TIA1: variants seen among roughly 807,000 people sequenced by gnomAD.
The protein encoded by TIA1 is TIA1 cytotoxic granule associated RNA binding protein.
Under a neutral mutation model 65.9 loss-of-function variants are expected in TIA1, and 23 were observed. That is an observed-to-expected ratio of 0.35 (90% CI 0.25 to 0.49). The LOEUF (loss-of-function observed/expected upper bound fraction) is 0.49. Ranked by LOEUF, TIA1 falls within the 20% of genes least tolerant of loss-of-function variation. The probability of loss-of-function intolerance (pLI) is 0.98; values close to 1 mark genes in which losing one functional copy is unlikely to be tolerated. For missense variants in TIA1, 371 were observed against 477.9 expected (o/e 0.78, Z 2.09); for synonymous variants, 147 against 149.4 (o/e 0.98, Z 0.12).
chr2:70,228,670 A>T (rs978361333), intron 5 of TIA1: 1 of 985,460 alleles, frequency 1.0e-6, no homozygotes, highest in Non-Finnish European at 1.2e-6. Flanking sequence ...TGGAAAGAAA[A>T]GTTACCCATA....
At chr2:70,242,162 C>T (rs1692099566) in intron 1 of TIA1, among the ~76,000 whole-genome samples, 1 of 151,994 alleles carries the variant, frequency 6.6e-6, no homozygotes, top group African/African-American at 2.4e-5. Flanking sequence ...AAACCCTCCC[C>T]CGCAAAAAAC....
At position 70,215,510 on chromosome 2, in the gene TIA1, T is replaced by G; in HGVS notation, c.765-16A>C. 1 of 1,595,538 alleles carries G rather than the reference T, an allele frequency of 6.3e-7. No individual in the cohort carries two copies. Among genetic ancestry groups the G allele is most frequent in the Non-Finnish European group, 8.5e-7 (1 of 1,170,366 alleles). ...GGAATTGAACCTATTGAAAACAATATTAAGAATCACCAATACAAATTCTTT... is the reference window on the plus strand; with the variant it reads ...GGAATTGAACCTATTGAAAACAATAGTAAGAATCACCAATACAAATTCTTT... On this transcript the variant is annotated splice_polypyrimidine_tract_variant and intron_variant, in intron 10 of 12. Transcript: ENST00000433529.
intron 8 of TIA1, 156 bp downstream of exon 8, chr2:70,216,730 T>C: frequency 6.5e-7 from 1 of 1,545,960 alleles, no homozygotes; most frequent in Non-Finnish European, 8.7e-7. Flanking sequence ...TTATTTATAA[T>C]TACAAAAATG....
rs569701579 is a variant in TIA1 at position 70,211,368 on chromosome 2, T to G, written c.*1351A>C. Reference sequence around the variant, plus strand: ...GTACCAAACGAATCAAAATAATGATTGCACTGAGGATTCTCTTATCTGAAG... The same window carrying G: ...GTACCAAACGAATCAAAATAATGATGGCACTGAGGATTCTCTTATCTGAAG... On this transcript the variant is annotated 3_prime_UTR_variant, in exon 13 of 13. Transcript: ENST00000433529. 4.6e-5 allele frequency: 7 copies of G among 152,166 alleles called. No individual in the cohort carries two copies. Among genetic ancestry groups the G allele is most frequent in the African/African-American group, 1.4e-4 (6 of 41,540 alleles). 9.4% of individuals were successfully genotyped at this position (152,166 alleles called of 1,614,324 possible). A position where few individuals can be genotyped will look rare whatever the true frequency, so the allele number is the denominator to read the frequency against.
intron 1 of TIA1, among the ~76,000 whole-genome samples, chr2:70,246,923 A>G (rs191530414): frequency 1.2e-4 from 19 of 152,298 alleles, no homozygotes; most frequent in African/African-American, 4.6e-4. Flanking sequence ...ACAAAATTAA[A>G]AAGTTAAAAA....
At chr2:70,223,533 C>T (rs939112537) in intron 7 of TIA1, among the ~76,000 whole-genome samples, 10 of 151,886 alleles carry the variant, frequency 6.6e-5, no homozygotes, top group African/African-American at 7.3e-5. Context: ...GTGATCCTCC[C>T]GCCTCAGCCC....
intron 6 of TIA1, among the ~76,000 whole-genome samples, chr2:70,227,171 G>T (rs967674350): frequency 3.3e-5 from 5 of 152,012 alleles, no homozygotes; most frequent in Non-Finnish European, 7.4e-5. Context: ...CTCAAGTAAG[G>T]TATTTATTCA....
At chr2:70,214,651 A>AAAAAAAAAC (rs1558752008) in intron 11 of TIA1, among the ~76,000 whole-genome samples, 157 bp from the exon 12 acceptor site, 1 of 143,200 alleles carries the variant, frequency 7.0e-6, no homozygotes, top group African/African-American at 2.5e-5. Context: ...AAAAAAAAAA[A>AAAAAAAAAC]AAAAAAACAA....
chr2:70,224,436 G>C (rs953815838), intron 7 of TIA1, 118 bp downstream of exon 7: 1 of 1,391,520 alleles, frequency 7.2e-7, no homozygotes. Context: ...TTCTAGTGAG[G>C]GTTTATTTTA....
rs149091461 is a variant in TIA1 at position 70,244,122 on chromosome 2, A to G, written c.26+4283T>C. On this transcript the variant is annotated intron_variant, in intron 1 of 12. Transcript: ENST00000433529. ...ACATTTACTCTCTTCAGGCTAACCA[A>G]CCAGCATGACCTGCCCCCAAGGGCC... Among the ~76,000 whole-genome samples the G allele has an allele frequency of 2.6e-5, 4 of 152,284 alleles. No homozygotes were observed. In the East Asian group the frequency reaches 7.7e-4, roughly 29 times the overall value.
chr2:70,216,912 G>A lies in TIA1; in HGVS notation c.557C>T (p.Pro186Leu). 2 of 1,613,990 alleles carry A rather than the reference G, an allele frequency of 1.2e-6. No individual in the cohort carries two copies. The highest frequency in any genetic ancestry group is 1.1e-5 in the South Asian group (1 of 91,056). Residue 186 changes from proline (P) to leucine (L), a missense_variant, in exon 8 of 13, where the codon CCT becomes CTT. Pro to Leu is a moderately conservative substitution (Grantham distance 98). Transcript: ENST00000433529. ...CTCATATGTACTCTTTGGAGCGGGA[G>A]GCTTTCGGGTTGCCCAGTTAGTTCT... Reference protein sequence around the residue: ...QIRTNWATRKPPAPKSTYESN... With the variant: ...QIRTNWATRKLPAPKSTYESN...
chr2:70,230,197 C>T (rs553600439), intron 3 of TIA1, among the ~76,000 whole-genome samples: 134 of 139,376 alleles, frequency 9.6e-4, no homozygotes, highest in African/African-American at 3.4e-3. Flanking sequence ...GAGCTGAGAT[C>T]GCGCCGCTGC....
In TIA1 at chr2:70,248,605, G is replaced by A; in HGVS notation, c.-175C>T. 3 of 891,516 alleles carry A rather than the reference G, an allele frequency of 3.4e-6. No individual in the cohort carries two copies. The highest frequency in any genetic ancestry group is 1.5e-5 in the South Asian group (1 of 68,636). 55.2% of individuals were successfully genotyped at this position (891,516 alleles called of 1,614,324 possible). A position where few individuals can be genotyped will look rare whatever the true frequency, so the allele number is the denominator to read the frequency against. On this transcript the variant is annotated 5_prime_UTR_variant, in exon 1 of 13. Transcript: ENST00000433529. The stretch of plus-strand genomic sequence containing the variant: ...AACCGCCCGGCCCAGCGGGAACAAT[G>A]AAACCCCAATACAAGATGGCGGCGA...
Position 70,211,672 on chromosome 2 carries a change from T to C in TIA1, c.*1047A>G, listed in dbSNP as rs1223863128. On this transcript the variant is annotated 3_prime_UTR_variant, in exon 13 of 13. Transcript: ENST00000433529. ...AAAATTCTTGAAAAACAAGAGCAGATGACTTTGTATTCAAAGACTACCAAA... is the reference window on the plus strand; with the variant it reads ...AAAATTCTTGAAAAACAAGAGCAGACGACTTTGTATTCAAAGACTACCAAA... 6.6e-6 allele frequency: 1 copy of C among 152,632 alleles called. No individual in the cohort carries two copies. Among genetic ancestry groups the C allele is most frequent in the African/African-American group, 2.4e-5 (1 of 41,456 alleles). The allele number at this position is 152,632 out of a possible 1,614,324, so 9.5% of individuals were successfully genotyped here.
chr2:70,242,148 C>T (rs757164446), intron 1 of TIA1, among the ~76,000 whole-genome samples: 13 of 152,068 alleles, frequency 8.5e-5, no homozygotes, highest in South Asian at 4.2e-4. Context: ...GCCATTCTTC[C>T]GCAAAACCCT....
At position 70,247,173 on chromosome 2, in the gene TIA1, C is replaced by A. The variant is rs768629510; in HGVS notation, c.26+1232G>T. Among the ~76,000 whole-genome samples the A allele has an allele frequency of 2.6e-5, 4 of 152,042 alleles. No homozygotes were observed. The East Asian group carries it at 7.7e-4, about 29-fold the overall frequency. On this transcript the variant is annotated intron_variant, in intron 1 of 12. Coordinates refer to ENST00000433529, the MANE Select transcript of TIA1 (RefSeq NM_022173.4). Reference sequence around the variant, plus strand: ...AACAAAGGTCATGCACTAATTGCTACGTCCTACTGAAAAGATACTTTCTGA... The same window carrying A: ...AACAAAGGTCATGCACTAATTGCTAAGTCCTACTGAAAAGATACTTTCTGA...
intron 10 of TIA1, 148 bp from the exon 11 acceptor site, chr2:70,215,642 T>A: frequency 1.4e-6 from 1 of 709,620 alleles, no homozygotes; most frequent in Non-Finnish European, 2.2e-6. Flanking sequence ...AAAGATCTTG[T>A]AGTTCTGGGG....
At chr2:70,228,551 T>A in intron 5 of TIA1, 1 of 1,106,134 alleles carries the variant, frequency 9.0e-7, no homozygotes. Context: ...AACCCATATC[T>A]GAAGTTTTTA....
chr2:70,244,880 A>G (rs960472557), intron 1 of TIA1, among the ~76,000 whole-genome samples: 3 of 151,906 alleles, frequency 2.0e-5, no homozygotes, highest in African/African-American at 7.3e-5. Context: ...TCTCAATACA[A>G]GAGATTTTAT....
Sources: allele counts gnomAD v4.1 joint callset (sites outside exome capture counted in the v4.1 genomes callset), GRCh38; gene constraint gnomAD v4.1.1; transcripts MANE v1.5; gene names NCBI Gene and HGNC (gene_info 2026-07-23, HGNC 2026-07-21).